Variants in RAD51B observed in about 807,000 individuals in gnomAD.
RAD51B encodes RAD51 paralog B.
Under a neutral mutation model 42.2 loss-of-function variants are expected in RAD51B, and 38 were observed. The ratio of observed to expected loss-of-function variants is 0.90; its 90% CI spans 0.70 to 1.18. The LOEUF is 1.18. RAD51B is among the 50% of genes most tolerant of loss of function. RAD51B has a pLI of 0.00. For missense variants in RAD51B, 373 were observed against 400.7 expected (o/e 0.93, Z 0.59); for synonymous variants, 154 against 145.2 (o/e 1.06, Z -0.43).
At chr14:67,949,923 T>C (rs1566974210) in intron 7 of RAD51B, among the ~76,000 whole-genome samples, 1 of 152,196 alleles carries the variant, frequency 6.6e-6, no homozygotes, top group East Asian at 1.9e-4. Flanking sequence ...TCTTTTCTTC[T>C]GAGCAGTAGG....
intron 5 of RAD51B, among the ~76,000 whole-genome samples, chr14:67,869,741 G>A (rs1005318589): frequency 1.1e-4 from 17 of 152,266 alleles, no homozygotes; most frequent in South Asian, 8.3e-4. Flanking sequence ...AGATCTCTTG[G>A]CAGAAACTCT....
intron 10 of RAD51B, among the ~76,000 whole-genome samples, chr14:68,476,647 G>A (rs2140251407): frequency 6.6e-6 from 1 of 152,258 alleles, no homozygotes; most frequent in South Asian, 2.1e-4. Flanking sequence ...GCAACCTCAG[G>A]TTATTCATAG....
At chr14:68,137,093 T>C (rs916431931) in intron 7 of RAD51B, among the ~76,000 whole-genome samples, 1 of 152,140 alleles carries the variant, frequency 6.6e-6, no homozygotes, top group Non-Finnish European at 1.5e-5. Flanking sequence ...CTAGCCAACA[T>C]GGTAAAACTC....
intron 7 of RAD51B, among the ~76,000 whole-genome samples, chr14:68,232,451 A>G (rs1478377372): frequency 1.3e-5 from 2 of 152,214 alleles, no homozygotes; most frequent in African/African-American, 4.8e-5. Context: ...GAGCAGACCC[A>G]CCTAACTTTT....
intron 9 of RAD51B, among the ~76,000 whole-genome samples, chr14:68,444,944 G>T (rs550368845): frequency 6.6e-6 from 1 of 152,306 alleles, no homozygotes; most frequent in South Asian, 2.1e-4. Flanking sequence ...AGGCATATCC[G>T]TGCATTAGAG....
chr14:67,823,688 A>C, intron 2 of RAD51B, 61 bp downstream of exon 2: 1 of 1,241,020 alleles, frequency 8.1e-7, no homozygotes. Flanking sequence ...TTATACCTTA[A>C]TACCTCTTAA....
At chr14:68,434,215 G>C (rs557617417) in intron 9 of RAD51B, among the ~76,000 whole-genome samples, 3 of 152,328 alleles carry the variant, frequency 2.0e-5, no homozygotes, top group African/African-American at 7.2e-5. Context: ...GAGGCAGTCT[G>C]TCTGTTCTCA....
At chr14:68,323,222 G>C (rs992806548) in intron 8 of RAD51B, among the ~76,000 whole-genome samples, 17 of 152,202 alleles carry the variant, frequency 1.1e-4, no homozygotes, top group African/African-American at 4.1e-4. Context: ...GATGAGACTG[G>C]TATTAGCTAC....
At chr14:68,176,130 A>G (rs1472582291) in intron 7 of RAD51B, among the ~76,000 whole-genome samples, 2 of 152,146 alleles carry the variant, frequency 1.3e-5, no homozygotes, top group Non-Finnish European at 2.9e-5. Context: ...GTATGTGCCA[A>G]CTCACCAATC....
At chr14:68,263,409 G>C (rs2080926271) in intron 7 of RAD51B, among the ~76,000 whole-genome samples, 1 of 152,178 alleles carries the variant, frequency 6.6e-6, no homozygotes, top group African/African-American at 2.4e-5. Flanking sequence ...GGATGAGGCA[G>C]GTGAGTGCTC....
intron 8 of RAD51B, among the ~76,000 whole-genome samples, chr14:68,357,850 A>C (rs903109963): frequency 4.6e-5 from 7 of 152,238 alleles, no homozygotes; most frequent in Non-Finnish European, 7.3e-5. Context: ...TAGAGCACAG[A>C]CAGCCATTTT....
intron 10 of RAD51B, among the ~76,000 whole-genome samples, chr14:68,633,223 C>G: frequency 6.6e-6 from 1 of 151,962 alleles, no homozygotes; most frequent in East Asian, 1.9e-4. Flanking sequence ...CTTGGGACCC[C>G]ATGAAACTCT....
chr14:67,996,710 G>T (rs2075391497), intron 7 of RAD51B, among the ~76,000 whole-genome samples: 1 of 152,182 alleles, frequency 6.6e-6, no homozygotes, highest in African/African-American at 2.4e-5. Context: ...GCACTGAATG[G>T]ATGGATGCAT....
chr14:68,051,214 GA>G (rs1178035110), intron 7 of RAD51B, among the ~76,000 whole-genome samples: 1 of 151,782 alleles, frequency 6.6e-6, no homozygotes, highest in Non-Finnish European at 1.5e-5. Context: ...TATTTGAAAA[GA>G]ACCAAGAAGT....
chr14:68,625,558 G>A (rs777172697), intron 10 of RAD51B, among the ~76,000 whole-genome samples: 13 of 151,980 alleles, frequency 8.6e-5, no homozygotes, highest in Admixed American at 3.9e-4. Context: ...CTGCAGCCTC[G>A]ACCTCCCAGA....
At chr14:68,631,150 A>G (rs1892218390) in intron 10 of RAD51B, among the ~76,000 whole-genome samples, 1 of 152,158 alleles carries the variant, frequency 6.6e-6, no homozygotes, top group Admixed American at 6.5e-5. Flanking sequence ...AAATGAATAC[A>G]ATTAGGGAGC....
At chr14:67,929,966 T>C (rs561620840) in intron 7 of RAD51B, among the ~76,000 whole-genome samples, 3 of 152,256 alleles carry the variant, frequency 2.0e-5, no homozygotes, top group Non-Finnish European at 4.4e-5. Flanking sequence ...TCTTTTATTA[T>C]TATTTTTGAC....
At chr14:68,483,302 T>C (rs1042483391) in intron 10 of RAD51B, among the ~76,000 whole-genome samples, 4 of 152,210 alleles carry the variant, frequency 2.6e-5, no homozygotes, top group African/African-American at 9.6e-5. Flanking sequence ...TGTATATACC[T>C]TTCCCTCAGA....
At chr14:68,156,452 A>C (rs1179795744) in intron 7 of RAD51B, among the ~76,000 whole-genome samples, 1 of 67,016 alleles carries the variant, frequency 1.5e-5, no homozygotes, top group Non-Finnish European at 3.1e-5. Context: ...CACCTTAGAA[A>C]ATTTCTCTCT....
Sources: allele counts gnomAD v4.1 joint callset (sites outside exome capture counted in the v4.1 genomes callset), GRCh38; gene constraint gnomAD v4.1.1; transcripts MANE v1.5; gene names NCBI Gene and HGNC (gene_info 2026-07-23, HGNC 2026-07-21).